KMT2C: variants seen among roughly 807,000 people sequenced by gnomAD.
The protein encoded by KMT2C is histone-lysine N-methyltransferase 2C.
Under a neutral mutation model 507.9 loss-of-function variants are expected in KMT2C, and 88 were observed. That is an observed-to-expected ratio of 0.17 (90% CI 0.15 to 0.21). The LOEUF (loss-of-function observed/expected upper bound fraction) is 0.21. Among genes scored for constraint, KMT2C ranks in the 10% least tolerant of loss-of-function variants. The pLI, the probability that KMT2C is intolerant of heterozygous loss-of-function variation, is 1.00. For synonymous variants in KMT2C, 2,049 were observed against 2,080.8 expected (o/e 0.98, Z 0.42); for missense variants, 4,954 against 5,957.8 (o/e 0.83, Z 5.55).
intron 16 of KMT2C, among the ~76,000 whole-genome samples, chr7:152,234,896 A>AG (rs1055983315): frequency 2.0e-5 from 3 of 152,080 alleles, no homozygotes; most frequent in Non-Finnish European, 4.4e-5. Context: ...AAAAAAAAGA[A>AG]GAAAAAAAAG....
chr7:152,270,121 T>C (rs2095934814), intron 7 of KMT2C, among the ~76,000 whole-genome samples: 1 of 152,196 alleles, frequency 6.6e-6, no homozygotes, highest in Admixed American at 6.5e-5. Context: ...TTTTCATCAC[T>C]GGCAGGACAC....
intron 31 of KMT2C, 83 bp downstream of exon 31, chr7:152,193,926 A>C (rs960167963): frequency 7.8e-7 from 1 of 1,286,372 alleles, no homozygotes; most frequent in African/African-American, 1.5e-5. Context: ...AGAATAGGGC[A>C]AAACTTGCTT....
intron 3 of KMT2C, among the ~76,000 whole-genome samples, chr7:152,318,038 T>C (rs1030447659): frequency 1.3e-5 from 2 of 151,968 alleles, no homozygotes; most frequent in Non-Finnish European, 2.9e-5. Flanking sequence ...CTCGGGAGGC[T>C]GAGGCAGGAG....
chr7:152,435,068 G>C (rs996284047), intron 1 of KMT2C, among the ~76,000 whole-genome samples: 1 of 152,082 alleles, frequency 6.6e-6, no homozygotes, highest in African/African-American at 2.4e-5. Flanking sequence ...ATCAAAAGAA[G>C]AAAACACAGG....
At chr7:152,290,041 AAAACAAACAAAACAAAAC>A (rs1300415145) in intron 6 of KMT2C, among the ~76,000 whole-genome samples, 1 of 149,320 alleles carries the variant, frequency 6.7e-6, no homozygotes, top group African/African-American at 2.5e-5. Context: ...ATTCTGTCTC[AAAACAAACAAAACAAAAC>A]AAACAAACAA....
At chr7:152,175,237 C>A (rs981819718) in intron 38 of KMT2C, among the ~76,000 whole-genome samples, 1 of 151,992 alleles carries the variant, frequency 6.6e-6, no homozygotes, top group Non-Finnish European at 1.5e-5. Flanking sequence ...CTTCCGCCTC[C>A]TGGGTTCACA....
Position 152,177,932 on chromosome 7 carries a change from T to G in KMT2C, c.7521A>C (p.Gly2507=). The G allele has an allele frequency of 1.9e-6, 3 of 1,603,560 alleles. No homozygotes were observed. ...RFLVPPQQIQ[G]SGVSPQLRRS... Reference sequence around the variant, plus strand: ...TTCTTAGCTGTGGAGAAACTCCAGATCCCTGTATTTGCTGAGGAGGCACAA... The same window carrying G: ...TTCTTAGCTGTGGAGAAACTCCAGAGCCCTGTATTTGCTGAGGAGGCACAA... The change falls in exon 38 of 59, where the codon GGA becomes GGC. Residue 2507 remains glycine, a synonymous_variant. Transcript: ENST00000262189.
At chr7:152,254,207 G>A (rs1229407903) in intron 9 of KMT2C, among the ~76,000 whole-genome samples, 1 of 152,040 alleles carries the variant, frequency 6.6e-6, no homozygotes, top group African/African-American at 2.4e-5. Flanking sequence ...CTTGAGCCTA[G>A]GAGGTAGAAT....
intron 25 of KMT2C, among the ~76,000 whole-genome samples, chr7:152,204,538 AGTGACCCATGATTG>A (rs2129136705): frequency 6.6e-6 from 1 of 152,218 alleles, no homozygotes; most frequent in East Asian, 1.9e-4. Flanking sequence ...GCAAGGCTGC[AGTGACCCATGATTG>A]TGCCACTGCA....
chr7:152,280,747 T>A (rs1056239798), intron 6 of KMT2C, among the ~76,000 whole-genome samples: 5 of 152,214 alleles, frequency 3.3e-5, no homozygotes, highest in Non-Finnish European at 7.3e-5. Flanking sequence ...TTTTAAGATA[T>A]TAAGTTTATG....
rs2129115322 is a variant in KMT2C at position 152,177,744 on chromosome 7, T to C, written c.7709A>G (p.Gln2570Arg). 2.5e-6 allele frequency: 4 copies of C among 1,614,150 alleles called. No individual in the cohort carries two copies. The highest frequency in any genetic ancestry group is 1.7e-5 in the Admixed American group (1 of 60,024). Residue 2570 changes from glutamine (Q) to arginine (R), a missense_variant, in exon 38 of 59, where the codon CAA becomes CGA. Gln to Arg is a conservative substitution (Grantham distance 43). Transcript: ENST00000262189. ...ELRHRAPDGR[Q>R]RLPFSAPPGS... ...AGGTGGAGCACTGAAAGGCAGCCGT[T>C]GCCTTCCGTCAGGAGCCCTATGTCT... is the stretch of plus-strand genomic sequence containing the variant.
chr7:152,395,072 G>A (rs1321878979), intron 1 of KMT2C, among the ~76,000 whole-genome samples: 7 of 152,142 alleles, frequency 4.6e-5, no homozygotes, highest in African/African-American at 1.7e-4. Context: ...CGTAAGGCAT[G>A]CCAATTAAAA....
At chr7:152,151,730 G>A (rs2091639858) in intron 49 of KMT2C, 149 bp from the exon 50 acceptor site, 4 of 564,568 alleles carry the variant, frequency 7.1e-6, no homozygotes, top group Non-Finnish European at 1.2e-5. Context: ...TCTAAGCAAT[G>A]GTTACAGAGT....
At chr7:152,386,753 T>G (rs1040243647) in intron 1 of KMT2C, among the ~76,000 whole-genome samples, 2 of 3,474 alleles carry the variant, frequency 5.8e-4, no homozygotes, top group African/African-American at 1.2e-3. Context: ...TAAGACTGTA[T>G]TTTTTATGGA....
intron 2 of KMT2C, among the ~76,000 whole-genome samples, chr7:152,338,963 T>C (rs2096964293): frequency 2.6e-5 from 4 of 152,240 alleles, no homozygotes; most frequent in Admixed American, 2.0e-4. Context: ...CACAGCCAAG[T>C]TCACAGAAAT....
chr7:152,163,387 T>A lies in KMT2C; in HGVS notation c.10190A>T (p.Glu3397Val), dbSNP rs137865078. 2 of 1,614,250 alleles carry A rather than the reference T, an allele frequency of 1.2e-6. No individual in the cohort carries two copies. Among genetic ancestry groups the A allele is most frequent in the African/African-American group, 1.3e-5 (1 of 75,070 alleles). Residue 3397 changes from glutamate (E) to valine (V), a missense_variant, in exon 43 of 59, where the codon GAA becomes GTA. By Grantham distance (121) the Glu-to-Val change is moderately radical (BLOSUM62 -2). Transcript: ENST00000262189. Reference protein sequence around the residue: ...DNNPFSESFQERERKERLREQ... With the variant: ...DNNPFSESFQVRERKERLREQ... ...TCGTAAACGTTCCTTACGTTCCCGT[T>A]CTTGAAAACTTTCACTAAAGGGATT...
intron 1 of KMT2C, among the ~76,000 whole-genome samples, chr7:152,391,492 T>G (rs1353818069): frequency 6.6e-6 from 1 of 151,194 alleles, no homozygotes; most frequent in Admixed American, 6.6e-5. Flanking sequence ...TCTGCCTGCC[T>G]TGGCCTCCCA....
intron 23 of KMT2C, among the ~76,000 whole-genome samples, chr7:152,211,516 C>A (rs956005187): frequency 2.0e-5 from 3 of 152,158 alleles, no homozygotes; most frequent in Admixed American, 6.5e-5. Flanking sequence ...AAGGATAACA[C>A]TGGATCTAGT....
intron 9 of KMT2C, among the ~76,000 whole-genome samples, chr7:152,256,615 T>A (rs1314844959): frequency 1.3e-5 from 2 of 152,158 alleles, no homozygotes; most frequent in Admixed American, 1.3e-4. Flanking sequence ...ATCTGCATCA[T>A]GTAACACAGA....
Sources: allele counts gnomAD v4.1 joint callset (sites outside exome capture counted in the v4.1 genomes callset), GRCh38; gene constraint gnomAD v4.1.1; transcripts MANE v1.5; gene names NCBI Gene and HGNC (gene_info 2026-07-23, HGNC 2026-07-21).